ARHGEF26: variants seen among roughly 807,000 people sequenced by gnomAD.
ARHGEF26 encodes Rho guanine nucleotide exchange factor (GEF) 26.
ARHGEF26 carries 59 observed loss-of-function variants against 89.4 expected under a neutral mutation model. That is an observed-to-expected ratio of 0.66 (90% CI 0.54 to 0.82). The LOEUF (loss-of-function observed/expected upper bound fraction) is 0.82, where lower values mean the gene tolerates loss of function less well. Ranked by LOEUF, ARHGEF26 falls within the 40% of genes least tolerant of loss-of-function variation. The pLI, the probability that ARHGEF26 is intolerant of heterozygous loss-of-function variation, is 0.00. For synonymous variants in ARHGEF26, 500 were observed against 428.4 expected, an observed-to-expected ratio of 1.17 and a Z score of -2.06; for missense variants, 1,234 against 1,085.6, an observed-to-expected ratio of 1.14 and a Z score of -1.92.
chr3:154,151,585 A>G (rs1171321266), intron 5 of ARHGEF26, among the ~76,000 whole-genome samples: 1 of 152,184 alleles, frequency 6.6e-6, no homozygotes, highest in Non-Finnish European at 1.5e-5. Flanking sequence ...TGAGACTCTT[A>G]ACATTCTTAC....
rs139548893 is a variant in ARHGEF26, at chr3:154,227,580, C to T, written c.2090+1570C>T. ...ATAGGCATGAGCCACTGCGCCCAGCCGTAAATTTTATAAAGAAAGATGGGA... is the reference window on the plus strand; with the variant it reads ...ATAGGCATGAGCCACTGCGCCCAGCTGTAAATTTTATAAAGAAAGATGGGA... On this transcript the variant is annotated intron_variant, in intron 11 of 14. Transcript: ENST00000465093. Among the ~76,000 whole-genome samples the T allele has an allele frequency of 1.6e-3, 243 of 152,158 alleles. 1 individual carries two copies. The highest frequency in any genetic ancestry group is 5.6e-3 in the African/African-American group (231 of 41,494).
rs538513125 is a variant in ARHGEF26 at position 154,201,183 on chromosome 3, G to C, written c.1845+6465G>C. On this transcript the variant is annotated intron_variant, in intron 9 of 14. Coordinates refer to ENST00000465093, the MANE Select transcript of ARHGEF26 (RefSeq NM_015595.4). ...CCGACCCCACCACAGGCCCCAGTGT[G>C]TGATGTTCCCCTTCATGTGTCCATG... Among the ~76,000 whole-genome samples the C allele has an allele frequency of 2.3e-4, 33 of 143,424 alleles. 1 individual carries two copies. The South Asian group carries it at 6.5e-3, about 28-fold the overall frequency. 94.1% of individuals were successfully genotyped at this position (143,424 alleles called of 152,430 possible).
intron 10 of ARHGEF26, among the ~76,000 whole-genome samples, chr3:154,221,301 G>A (rs1430251032): frequency 2.0e-5 from 3 of 152,176 alleles, no homozygotes; most frequent in Admixed American, 2.0e-4. Context: ...TCACCTTTTA[G>A]ATTTATAAAT....
intron 11 of ARHGEF26, among the ~76,000 whole-genome samples, chr3:154,231,683 G>A (rs966324567): frequency 6.6e-5 from 10 of 152,038 alleles, no homozygotes; most frequent in African/African-American, 1.7e-4. Context: ...AAACCTTTAC[G>A]TAATTGCTAC....
At chr3:154,175,147 A>G (rs1283393263) in intron 6 of ARHGEF26, among the ~76,000 whole-genome samples, 4 of 152,184 alleles carry the variant, frequency 2.6e-5, no homozygotes, top group Non-Finnish European at 5.9e-5. Flanking sequence ...AGAAAATGTG[A>G]TGGCATCCCA....
chr3:154,255,286 C>G, intron 14 of ARHGEF26, 45 bp from the exon 15 acceptor site: 1 of 1,590,310 alleles, frequency 6.3e-7, no homozygotes, highest in Non-Finnish European at 8.6e-7. Context: ...GCCTGGCACA[C>G]TCCAAATACT....
chr3:154,256,687 AC>A lies in ARHGEF26; in HGVS notation c.*1215del. On this transcript the variant is annotated 3_prime_UTR_variant, in exon 15 of 15. Transcript: ENST00000465093. ...AAATAGAAATTAGCTGGAACACACT[AC>A]AGTAATCTCAAGGAAGGGAAAATTA... 7.6e-7 allele frequency: 1 copy of A among 1,312,076 alleles called. No homozygotes were observed. Among genetic ancestry groups the A allele is most frequent in the Non-Finnish European group, 9.7e-7 (1 of 1,035,780 alleles). 81.3% of individuals were successfully genotyped at this position (1,312,076 alleles called of 1,614,324 possible). A position where few individuals can be genotyped will look rare whatever the true frequency, so the allele number is the denominator to read the frequency against.
intron 3 of ARHGEF26, among the ~76,000 whole-genome samples, chr3:154,128,034 A>G (rs1718442781): frequency 1.3e-5 from 2 of 152,146 alleles, no homozygotes; most frequent in African/African-American, 2.4e-5. Context: ...TCATTGACCA[A>G]ATATCTGACT....
At chr3:154,216,117 A>ATTATAGTAT (rs1260834800) in intron 9 of ARHGEF26, among the ~76,000 whole-genome samples, 24 of 152,220 alleles carry the variant, frequency 1.6e-4, no homozygotes, top group African/African-American at 5.8e-4. Context: ...TTACTTCTAT[A>ATTATAGTAT]TTATAGTATT....
intron 9 of ARHGEF26, among the ~76,000 whole-genome samples, chr3:154,199,298 A>T (rs1470115559): frequency 2.0e-5 from 3 of 152,092 alleles, no homozygotes; most frequent in Non-Finnish European, 4.4e-5. Context: ...TAAATCCCAA[A>T]AATGAGAACA....
intron 12 of ARHGEF26, among the ~76,000 whole-genome samples, chr3:154,247,187 A>G (rs571218599): frequency 6.6e-6 from 1 of 152,034 alleles, no homozygotes; most frequent in East Asian, 1.9e-4. Flanking sequence ...ACCTATGACC[A>G]TTCCTCTTCT....
chr3:154,144,959 G>A (rs376699919), intron 4 of ARHGEF26, among the ~76,000 whole-genome samples: 2 of 152,000 alleles, frequency 1.3e-5, no homozygotes, highest in African/African-American at 4.8e-5. Context: ...TAAAAAAAGC[G>A]TTCTCTCTCT....
chr3:154,128,399 G>A (rs545892788), intron 3 of ARHGEF26, among the ~76,000 whole-genome samples: 43 of 152,112 alleles, frequency 2.8e-4, no homozygotes, highest in African/African-American at 9.4e-4. Context: ...CACCACACTC[G>A]GCTAATTTGT....
In ARHGEF26 at chr3:154,253,076, A is replaced by C; in HGVS notation, c.2301-40A>C. 2.5e-6 allele frequency: 4 copies of C among 1,610,470 alleles called. 1 individual carries two copies. Among genetic ancestry groups the C allele is most frequent in the Non-Finnish European group, 3.4e-6 (4 of 1,177,728 alleles). ...AGAAAACACTCCATTCTGTGTTTTT[A>C]CACCTTGAGTCTCTCAGTTGGATCT... On this transcript the variant is annotated intron_variant, in intron 12 of 14. Transcript: ENST00000465093.
intron 6 of ARHGEF26, among the ~76,000 whole-genome samples, chr3:154,156,835 T>C (rs1178310271): frequency 6.6e-6 from 1 of 152,230 alleles, no homozygotes; most frequent in Non-Finnish European, 1.5e-5. Context: ...AGTGTCTGAA[T>C]TAGATATTAC....
chr3:154,208,842 T>C (rs1715191316), intron 9 of ARHGEF26, among the ~76,000 whole-genome samples: 1 of 148,820 alleles, frequency 6.7e-6, no homozygotes, highest in Non-Finnish European at 1.5e-5. Context: ...CTTGGCTCAC[T>C]GCAACCTCCG....
intron 11 of ARHGEF26, among the ~76,000 whole-genome samples, chr3:154,237,368 C>G (rs1214749962): frequency 6.6e-6 from 1 of 151,940 alleles, no homozygotes; most frequent in African/African-American, 2.4e-5. Context: ...ATGGTGAAAC[C>G]CTGTCTCTAC....
intron 11 of ARHGEF26, among the ~76,000 whole-genome samples, chr3:154,237,470 A>G (rs1409843331): frequency 6.7e-6 from 1 of 150,176 alleles, no homozygotes; most frequent in South Asian, 2.2e-4. Flanking sequence ...TAAACCTGGC[A>G]GGCGGAGGTT....
chr3:154,240,442 G>A lies in ARHGEF26; in HGVS notation c.2163G>A (p.Glu721=). 2 of 1,613,600 alleles carry A rather than the reference G, an allele frequency of 1.2e-6. No individual in the cohort carries two copies. Among genetic ancestry groups the A allele is most frequent in the Non-Finnish European group, 1.7e-6 (2 of 1,179,694 alleles). The change falls in exon 12 of 15, where the codon GAG becomes GAA. Residue 721 remains glutamate (E), a synonymous_variant. Coordinates refer to ENST00000465093, the MANE Select transcript of ARHGEF26 (RefSeq NM_015595.4). ...QLLVESCDNE[E]LNSSPGKNSS... ...TGGTGGAATCTTGTGACAATGAAGA[G>A]CTTAATTCTTCTCCAGGGAAGAACA...
Sources: allele counts gnomAD v4.1 joint callset (sites outside exome capture counted in the v4.1 genomes callset), GRCh38; gene constraint gnomAD v4.1.1; transcripts MANE v1.5; gene names NCBI Gene and HGNC (gene_info 2026-07-23, HGNC 2026-07-21).